Variants in SEC14L3 observed in about 807,000 individuals in gnomAD.
SEC14L3 encodes SEC14 like lipid binding 3, also known as SEC14-like protein 3.
In SEC14L3, 56 loss-of-function variants were observed where a neutral mutation model predicts 57.4. The observed-to-expected ratio is 0.97, with a 90% CI of 0.79 to 1.22. The LOEUF is 1.22. Among genes scored for constraint, SEC14L3 ranks in the 50% most tolerant of loss-of-function variants. The pLI, the probability that SEC14L3 is intolerant of heterozygous loss-of-function variation, is 0.00. For synonymous variants in SEC14L3, 173 were observed against 194.4 expected (o/e 0.89, Z 0.92); for missense variants, 485 against 511.7 (o/e 0.95, Z 0.50).
intron 12 of SEC14L3, among the ~76,000 whole-genome samples, chr22:30,451,977 G>GT (rs1290753477): frequency 2.2e-5 from 2 of 92,494 alleles, no homozygotes; most frequent in East Asian, 7.8e-4. Flanking sequence ...GGGCAAGAGA[G>GT]TAAGACTCCA....
At chr22:30,458,203 C>T (rs532324807), downstream of SEC14L3, among the ~76,000 whole-genome samples, 5 of 152,228 alleles carry the variant, frequency 3.3e-5, no homozygotes, top group Admixed American at 1.3e-4. Context: ...AGCCTCTTCA[C>T]GTCCCCGAAT....
rs1934960740 is a variant in SEC14L3, at chr22:30,450,511, C to A, written c.905-1267G>T. On this transcript the variant is annotated intron_variant, in intron 12 of 12. Transcript: ENST00000403066. ...AGAGACAGTGTTTCACCATATTGGC[C>A]AGGCTAGTCTCGAACTCCTGACCTC... Among the ~76,000 whole-genome samples the A allele has an allele frequency of 2.0e-5, 3 of 152,266 alleles. No individual in the cohort carries two copies. The East Asian group carries it at 5.8e-4, about 29-fold the overall frequency.
chr22:30,459,193 G>T, downstream of SEC14L3: 1 of 854,970 alleles, frequency 1.2e-6, no homozygotes, highest in Non-Finnish European at 1.4e-6. Flanking sequence ...CAAAGCTCTT[G>T]GCACAGTTTC....
In SEC14L3 at chr22:30,467,084, G is replaced by C. The variant is rs1935441842; in HGVS notation, c.424-7C>G. 1.2e-6 allele frequency: 2 copies of C among 1,613,952 alleles called. No individual in the cohort carries two copies. Among genetic ancestry groups the C allele is most frequent in the Non-Finnish European group, 1.7e-6 (2 of 1,179,890 alleles). On this transcript the variant is annotated splice_polypyrimidine_tract_variant and splice_region_variant and intron_variant, in intron 5 of 11. Transcript: ENST00000215812. ...TCTCAATCTTCTTCCCTAGCTGCAA[G>C]GATGAGAGCAAGAAGTAGTTCTGGA... is the stretch of plus-strand genomic sequence containing the variant.
intron 12 of SEC14L3, among the ~76,000 whole-genome samples, chr22:30,449,555 TTTC>T (rs1934940500): frequency 1.4e-5 from 2 of 145,966 alleles, no homozygotes; most frequent in South Asian, 4.3e-4. Context: ...TTTCTTTTCT[TTTC>T]TTTTCTTTTC....
Position 30,459,956 on chromosome 22 carries a change from G to T in SEC14L3, c.*65C>A. On this transcript the variant is annotated 3_prime_UTR_variant, in exon 12 of 12. Transcript: ENST00000215812. ...ACTAACAATCAATTTCAGGGAGGGA[G>T]GGAGTGTAGGATATAAACAGAGAAA... The T allele has an allele frequency of 6.4e-7, 1 of 1,574,576 alleles. No individual in the cohort carries two copies. Among genetic ancestry groups the T allele is most frequent in the South Asian group, 1.2e-5 (1 of 86,772 alleles).
downstream of SEC14L3, among the ~76,000 whole-genome samples, chr22:30,455,525 C>T (rs544416616): frequency 3.3e-5 from 5 of 152,016 alleles, no homozygotes; most frequent in Admixed American, 6.6e-5. Flanking sequence ...ATTACAGGCA[C>T]GAGCCACTGC....
downstream of SEC14L3, among the ~76,000 whole-genome samples, chr22:30,455,933 G>C (rs1295957206): frequency 6.6e-6 from 1 of 152,210 alleles, no homozygotes; most frequent in Non-Finnish European, 1.5e-5. Context: ...GGGGCCTGCA[G>C]GCCTTGGTTT....
chr22:30,454,720 C>CTATAATATATAATAATATTATTATA (rs1472345420), downstream of SEC14L3, among the ~76,000 whole-genome samples: 1 of 71,950 alleles, frequency 1.4e-5, no homozygotes, highest in African/African-American at 6.3e-5. Context: ...TATATATAAT[C>CTATAATATATAATAATATTATTATA]TATAATCTAT....
downstream of SEC14L3, among the ~76,000 whole-genome samples, chr22:30,457,144 C>T (rs140916206): frequency 3.1e-3 from 473 of 152,186 alleles, no homozygotes; most frequent in African/African-American, 0.011. Context: ...TCCCCCGACC[C>T]TGCATCACCC....
chr22:30,470,858 GGATA>G (rs1386733044), intron 1 of SEC14L3, among the ~76,000 whole-genome samples: 3 of 152,296 alleles, frequency 2.0e-5, no homozygotes, highest in African/African-American at 7.2e-5. Flanking sequence ...ATGGATGAAT[GGATA>G]GATGGATGGA....
intron 11 of SEC14L3, among the ~76,000 whole-genome samples, chr22:30,460,767 G>C (rs1361464733): frequency 3.3e-5 from 5 of 151,464 alleles, no homozygotes; most frequent in Non-Finnish European, 5.9e-5. Flanking sequence ...GGGGGAGGTT[G>C]CGGTGAGCAG....
chr22:30,466,008 A>T (rs1006793986), intron 7 of SEC14L3, among the ~76,000 whole-genome samples: 1 of 152,244 alleles, frequency 6.6e-6, no homozygotes, highest in African/African-American at 2.4e-5. Context: ...ACAGCTGGAG[A>T]TCCCTAAAAG....
intron 7 of SEC14L3, among the ~76,000 whole-genome samples, chr22:30,465,542 C>T (rs1289973315): frequency 6.6e-6 from 1 of 151,956 alleles, no homozygotes; most frequent in Admixed American, 6.5e-5. Context: ...ATCCAAATAA[C>T]CAGCCAGCCA....
chr22:30,452,699 CTCTTTCTT>C (rs201372162), intron 12 of SEC14L3, among the ~76,000 whole-genome samples: 5 of 149,616 alleles, frequency 3.3e-5, no homozygotes, highest in African/African-American at 2.4e-5. Flanking sequence ...AAAGCTCTTC[CTCTTTCTT>C]TCTTTCTTTC....
intron 11 of SEC14L3, among the ~76,000 whole-genome samples, chr22:30,460,660 C>T (rs894119842): frequency 7.0e-6 from 1 of 141,852 alleles, no homozygotes; most frequent in African/African-American, 2.7e-5. Flanking sequence ...ATGGAGAAAC[C>T]CCATCTCTAC....
At chr22:30,454,499 T>G (rs200557153), downstream of SEC14L3, among the ~76,000 whole-genome samples, 18 of 83,034 alleles carry the variant, frequency 2.2e-4, no homozygotes, top group East Asian at 9.5e-4. Context: ...AATATTATTA[T>G]ATATAATCTA....
chr22:30,454,577 TATA>T (rs540113321), downstream of SEC14L3, among the ~76,000 whole-genome samples: 2,434 of 110,912 alleles, frequency 0.022, 92 homozygotes, highest in Middle Eastern at 0.057. Context: ...ATATATAATC[TATA>T]ATAATATTAT....
At position 30,466,972 on chromosome 22, in the gene SEC14L3, T is replaced by C; in HGVS notation, c.519+10A>G. On this transcript the variant is annotated intron_variant, in intron 6 of 11. Transcript: ENST00000215812. ...AGCAAGCGGGGGGTGGCCCTAGGAC[T>C]TCTCCTTACCTCCTGGTACACTTCT... The C allele has an allele frequency of 6.2e-7, 1 of 1,612,544 alleles. No homozygotes were observed. The highest frequency in any genetic ancestry group is 8.5e-7 in the Non-Finnish European group (1 of 1,179,298).
Sources: allele counts gnomAD v4.1 joint callset (sites outside exome capture counted in the v4.1 genomes callset), GRCh38; gene constraint gnomAD v4.1.1; transcripts MANE v1.5; gene names NCBI Gene and HGNC (gene_info 2026-07-23, HGNC 2026-07-21).